CDC7: variants seen among roughly 807,000 people sequenced by gnomAD.
CDC7 encodes cell division cycle 7.
A neutral mutation model predicts 53.5 loss-of-function variants in CDC7; 34 were observed. The ratio of observed to expected loss-of-function variants is 0.64; its 90% CI spans 0.48 to 0.85. The LOEUF (loss-of-function observed/expected upper bound fraction) is 0.85, where lower values mean the gene tolerates loss of function less well. Ranked by LOEUF, CDC7 falls within the 40% of genes least tolerant of loss-of-function variation. The pLI is 0.00. For missense variants in CDC7, 594 were observed against 679.7 expected (o/e 0.87, Z 1.40); for synonymous variants, 211 against 222.8 (o/e 0.95, Z 0.47).
chr1:91,524,155 A>G lies in CDC7; in HGVS notation c.1445A>G (p.His482Arg), dbSNP rs1366209756. The change falls in exon 12 of 12, where the codon CAT (histidine) becomes CGT (arginine). Residue 482 changes from histidine (H) to arginine (R), a missense_variant. Transcript: ENST00000234626. ...TPKLTSDIQG[H>R]ASHQPAISEK... ...AAGTTAACAAGTGATATACAAGGGC[A>G]TGCTTCTCATCAACCAGCTATTTCA... is the stretch of plus-strand genomic sequence containing the variant. 4 of 1,613,958 alleles carry G rather than the reference A, an allele frequency of 2.5e-6. No homozygotes were observed. Among genetic ancestry groups the G allele is most frequent in the East Asian group, 4.5e-5 (2 of 44,870 alleles).
chr1:91,515,715 A>G (rs1264609980), intron 9 of CDC7, 79 bp from the exon 10 acceptor site: 1 of 1,557,454 alleles, frequency 6.4e-7, no homozygotes, highest in African/African-American at 1.4e-5. Flanking sequence ...TTTACTGTGA[A>G]CTAAATTGAT....
intron 10 of CDC7, among the ~76,000 whole-genome samples, chr1:91,516,824 G>A (rs953424589): frequency 2.0e-5 from 3 of 152,114 alleles, no homozygotes; most frequent in Non-Finnish European, 4.4e-5. Flanking sequence ...CAGCACTTTC[G>A]GAGGCTGAGA....
chr1:91,522,895 A>C (rs1668040791), intron 11 of CDC7, among the ~76,000 whole-genome samples: 1 of 152,202 alleles, frequency 6.6e-6, no homozygotes, highest in African/African-American at 2.4e-5. Flanking sequence ...AGTCAGATTA[A>C]TGACTTTGTT....
chr1:91,516,012 G>A, intron 10 of CDC7, 136 bp downstream of exon 10: 2 of 667,426 alleles, frequency 3.0e-6, no homozygotes, highest in Non-Finnish European at 5.0e-6. Context: ...TTGCAGTGTG[G>A]CATTCCTATT....
At chr1:91,523,424 G>T (rs903307065) in intron 11 of CDC7, among the ~76,000 whole-genome samples, 2 of 152,106 alleles carry the variant, frequency 1.3e-5, no homozygotes, top group African/African-American at 2.4e-5. Context: ...TGGGTTTGGG[G>T]GGTTCAAAGA....
At chr1:91,518,053 C>G (rs914368648) in intron 10 of CDC7, among the ~76,000 whole-genome samples, 4 of 124,874 alleles carry the variant, frequency 3.2e-5, no homozygotes, top group Non-Finnish European at 6.3e-5. Context: ...AAGATCGCAC[C>G]ATTGCACTCC....
intron 11 of CDC7, 26 bp downstream of exon 11, chr1:91,520,305 A>C: frequency 6.7e-7 from 1 of 1,499,580 alleles, no homozygotes. Context: ...TTATAGAACC[A>C]AACAAAATGC....
Position 91,514,939 on chromosome 1 carries a change from G to A in CDC7, c.1039G>A (p.Ala347Thr), listed in dbSNP as rs779750765. 6.2e-7 allele frequency: 1 copy of A among 1,613,868 alleles called. No individual in the cohort carries two copies. The highest frequency in any genetic ancestry group is 8.5e-7 in the Non-Finnish European group (1 of 1,179,844). Residue 347 changes from alanine (A) to threonine (T), a missense_variant, in exon 9 of 12, where the codon GCT becomes ACT. Ala to Thr is a moderately conservative substitution (Grantham distance 58). Coordinates refer to ENST00000234626, the MANE Select transcript of CDC7 (RefSeq NM_003503.4). ...VMRKTASSCP[A>T]SLTCDCYATD... is the part of the protein sequence containing the mutation. ...GAGGAAAACTGCCAGTTCTTGCCCA[G>A]CTAGCCTGACCTGTGACTGCTATGC... is the stretch of plus-strand genomic sequence containing the variant.
intron 2 of CDC7, among the ~76,000 whole-genome samples, chr1:91,503,690 A>G (rs1372718277): frequency 6.6e-6 from 1 of 152,218 alleles, no homozygotes; most frequent in Non-Finnish European, 1.5e-5. Context: ...AAACATGATT[A>G]TTGAAATTTT....
chr1:91,519,641 TAA>T (rs1667815101), intron 10 of CDC7, among the ~76,000 whole-genome samples: 1 of 152,204 alleles, frequency 6.6e-6, no homozygotes. Context: ...AGTAATTTTT[TAA>T]AAGTTTCTAT....
chr1:91,516,206 A>G (rs1381327236), intron 10 of CDC7, among the ~76,000 whole-genome samples: 2 of 152,066 alleles, frequency 1.3e-5, no homozygotes, highest in African/African-American at 4.8e-5. Context: ...TTGTGGGGGA[A>G]AAAATTATGT....
rs540331945 is a variant in CDC7 at position 91,525,681 on chromosome 1, A to C, written c.*1246A>C. On this transcript the variant is annotated 3_prime_UTR_variant, in exon 12 of 12. Coordinates refer to ENST00000234626, the MANE Select transcript of CDC7 (RefSeq NM_003503.4). ...TAGGATATATAAACCATTACCATTGATCTGTCTTATGCCATAATCTTAAAA... is the reference window on the plus strand; with the variant it reads ...TAGGATATATAAACCATTACCATTGCTCTGTCTTATGCCATAATCTTAAAA... 1 of 152,070 alleles carries C rather than the reference A, an allele frequency of 6.6e-6. No homozygotes were observed. Among genetic ancestry groups the C allele is most frequent in the East Asian group, 1.9e-4 (1 of 5,174 alleles). 9.4% of individuals were successfully genotyped at this position (152,070 alleles called of 1,614,324 possible). A position where few individuals can be genotyped will look rare whatever the true frequency, so the allele number is the denominator to read the frequency against.
intron 6 of CDC7, among the ~76,000 whole-genome samples, chr1:91,512,399 T>A (rs1046888129): frequency 1.3e-5 from 1 of 78,298 alleles, no homozygotes; most frequent in Admixed American, 1.3e-4. Context: ...CTAACAGACT[T>A]AGAGTCTAAT....
intron 10 of CDC7, among the ~76,000 whole-genome samples, chr1:91,517,509 G>A (rs1214553337): frequency 6.6e-6 from 1 of 152,168 alleles, no homozygotes; most frequent in African/African-American, 2.4e-5. Context: ...GAAGTAACTG[G>A]TTTATAGGGG....
Position 91,523,909 on chromosome 1 carries a change from TGTGTG to T in CDC7, c.1331-131_1331-127del. ...CTATCTCATACTGTGTGTGTGTGTG[TGTGTG>T]TGTGTGTGTGTCCATGTCTATAAAG... On this transcript the variant is annotated intron_variant, in intron 11 of 11. Coordinates refer to ENST00000234626, the MANE Select transcript of CDC7 (RefSeq NM_003503.4). 4 of 620,994 alleles carry T rather than the reference TGTGTG, an allele frequency of 6.4e-6. No homozygotes were observed. The South Asian group carries it at 8.4e-5, about 13-fold the overall frequency. 38.5% of individuals were successfully genotyped at this position (620,994 alleles called of 1,614,324 possible).
chr1:91,512,664 TA>T (rs1667345907), intron 6 of CDC7, among the ~76,000 whole-genome samples: 1 of 152,112 alleles, frequency 6.6e-6, no homozygotes, highest in Non-Finnish European at 1.5e-5. Context: ...CCTGACTTTT[TA>T]ATTTTCTTTA....
Position 91,510,555 on chromosome 1 carries a change from C to T in CDC7, c.336-1042C>T, listed in dbSNP as rs13447496. 1.9e-3 allele frequency among the ~76,000 whole-genome samples: 288 copies of T among 152,308 alleles called. 2 individuals carry two copies. The South Asian group carries it at 0.019, about 10-fold the overall frequency. Reference sequence around the variant, plus strand: ...AGAAGACAAGAAAATGAGATGGCCTCTATAAAGAATGCTTGCATACATTCT... The same window carrying T: ...AGAAGACAAGAAAATGAGATGGCCTTTATAAAGAATGCTTGCATACATTCT... On this transcript the variant is annotated intron_variant, in intron 4 of 11. Coordinates refer to ENST00000234626, the MANE Select transcript of CDC7 (RefSeq NM_003503.4).
intron 10 of CDC7, among the ~76,000 whole-genome samples, chr1:91,517,639 A>G (rs1242760957): frequency 1.3e-5 from 2 of 152,236 alleles, no homozygotes; most frequent in Non-Finnish European, 2.9e-5. Context: ...CTAGAAATAC[A>G]GATGAATGTC....
In CDC7 at chr1:91,508,378, C is replaced by A; in HGVS notation, c.316C>A (p.Gln106Lys). ...TCCTATAAGAATTGCAGCTGAACTT[C>A]AGTGCCTAACAGTGGCTGGGTAGGC... ...SHPIRIAAEL[Q>K]CLTVAGGQDN... Residue 106 changes from glutamine to lysine, a missense_variant, in exon 4 of 12, where the codon CAG (glutamine) becomes AAG (lysine). Gln to Lys is a moderately conservative substitution (Grantham distance 53, BLOSUM62 1). Transcript: ENST00000234626. 6.2e-7 allele frequency: 1 copy of A among 1,608,980 alleles called. No homozygotes were observed. Among genetic ancestry groups the A allele is most frequent in the Non-Finnish European group, 8.5e-7 (1 of 1,177,936 alleles).
Sources: allele counts gnomAD v4.1 joint callset (sites outside exome capture counted in the v4.1 genomes callset), GRCh38; gene constraint gnomAD v4.1.1; transcripts MANE v1.5; gene names NCBI Gene and HGNC (gene_info 2026-07-23, HGNC 2026-07-21).